ZC3H4: variants seen among roughly 807,000 people sequenced by gnomAD.
ZC3H4 encodes the protein zinc finger CCCH domain-containing protein 4.
A neutral mutation model predicts 108.3 loss-of-function variants in ZC3H4; 13 were observed. The ratio of observed to expected loss-of-function variants is 0.12; its 90% confidence interval spans 0.08 to 0.19. The LOEUF is 0.19. Among genes scored for constraint, ZC3H4 ranks in the 10% least tolerant of loss-of-function variants. ZC3H4 has a pLI of 1.00. For synonymous variants in ZC3H4, 917 were observed against 749.6 expected (o/e 1.22, Z -3.65); for missense variants, 1,734 against 1,838.8 (o/e 0.94, Z 1.04).
intron 11 of ZC3H4, among the ~76,000 whole-genome samples, chr19:47,078,478 C>T (rs936920760): frequency 2.0e-5 from 3 of 147,984 alleles, no homozygotes; most frequent in Admixed American, 1.3e-4. Flanking sequence ...AGCGAGACTC[C>T]GTTTCAAAAA....
At position 47,072,247 on chromosome 19, in the gene ZC3H4, GGA is replaced by G; in HGVS notation, c.1802+103_1802+104del. On this transcript the variant is annotated intron_variant, in intron 12 of 14. Coordinates refer to ENST00000253048, the MANE Select transcript of ZC3H4 (RefSeq NM_015168.2). This position sits in a 1 kb window ranked among gnomAD's most constrained non-coding sequence, Gnocchi z 5.6. ...CCCAGACCAGGACTCCCACAGCTGG[GGA>G]GAGAGGCAGGACTCTCCCACAGCCA... The G allele has an allele frequency of 7.1e-7, 1 of 1,413,212 alleles. No individual in the cohort carries two copies. The highest frequency in any genetic ancestry group is 9.6e-7 in the Non-Finnish European group (1 of 1,043,350). The allele number at this position is 1,413,212 out of a possible 1,614,324, so 87.5% of individuals were successfully genotyped here. A position where few individuals can be genotyped will look rare whatever the true frequency, so the allele number is the denominator to read the frequency against.
Position 47,072,783 on chromosome 19 carries a change from G to C in ZC3H4, c.1441-70C>G, listed in dbSNP as rs2057354394. ...TGGAAACGGACCTCTCCAGGTCTGA[G>C]AGCTGAAGTTTATGAGGAAAAGTCC... On this transcript the variant is annotated intron_variant, in intron 11 of 14. Coordinates refer to ENST00000253048, the MANE Select transcript of ZC3H4 (RefSeq NM_015168.2). This position sits in a 1 kb window ranked among gnomAD's most constrained non-coding sequence, Gnocchi z 5.6. The C allele has an allele frequency of 3.8e-6, 6 of 1,568,324 alleles. No individual in the cohort carries two copies. In the African/African-American group the frequency reaches 8.1e-5, roughly 21 times the overall value.
chr19:47,066,679 C>G lies in ZC3H4; in HGVS notation c.3589G>C (p.Glu1197Gln), dbSNP rs2057206448. The change falls in exon 15 of 15, where the codon GAA (glutamate) becomes CAA (glutamine). Residue 1197 changes from glutamate (E) to glutamine (Q), a missense_variant. Around this residue, in one of 9 missense-constraint regions of ZC3H4, gnomAD observed 518 missense variants for 499.6 expected, o/e 1.04. Coordinates refer to ENST00000253048, the MANE Select transcript of ZC3H4 (RefSeq NM_015168.2). ...CCGGCCTTCCCTGTCTCTGGCTGTTCCAGGGCAGACTTGCGGACGAACGGG... is the reference window on the plus strand; with the variant it reads ...CCGGCCTTCCCTGTCTCTGGCTGTTGCAGGGCAGACTTGCGGACGAACGGG... ...EPPFVRKSAL[E>Q]QPETGKAGAD... The G allele has an allele frequency of 1.2e-6, 2 of 1,611,300 alleles. No individual in the cohort carries two copies. The highest frequency in any genetic ancestry group is 1.3e-5 in the African/African-American group (1 of 74,932).
chr19:47,090,259 C>A, intron 4 of ZC3H4, 70 bp from the exon 5 acceptor site: 1 of 1,551,880 alleles, frequency 6.4e-7, no homozygotes, highest in Non-Finnish European at 8.8e-7. Context: ...ACCAAGATAC[C>A]CAGGGTTCCC....
At chr19:47,073,859 CATCT>C (rs1428954867) in intron 11 of ZC3H4, among the ~76,000 whole-genome samples, 2 of 152,242 alleles carry the variant, frequency 1.3e-5, no homozygotes, top group Non-Finnish European at 2.9e-5. Context: ...AACACTGCTA[CATCT>C]ATCAGTATGT....
intron 2 of ZC3H4, among the ~76,000 whole-genome samples, chr19:47,101,347 AG>A (rs1356805141): frequency 1.3e-5 from 2 of 151,078 alleles, no homozygotes; most frequent in African/African-American, 4.9e-5. Context: ...GCTTGAGCCC[AG>A]GAGTTAGAGA....
chr19:47,068,464 G>C (rs762073689), intron 14 of ZC3H4, among the ~76,000 whole-genome samples: 8 of 152,224 alleles, frequency 5.3e-5, no homozygotes, highest in Admixed American at 5.2e-4. Flanking sequence ...GCTGATAAGA[G>C]GCAGGGCCGG....
intron 2 of ZC3H4, among the ~76,000 whole-genome samples, chr19:47,105,197 G>A (rs1600110281): frequency 6.6e-6 from 1 of 152,292 alleles, no homozygotes; most frequent in Middle Eastern, 3.4e-3. Flanking sequence ...ATACCAGACA[G>A]TGCATACCAT....
intron 2 of ZC3H4, among the ~76,000 whole-genome samples, chr19:47,109,355 T>C (rs554079276): frequency 9.8e-5 from 15 of 152,350 alleles, no homozygotes; most frequent in Middle Eastern, 3.4e-3. Flanking sequence ...CTAAAAAATT[T>C]CACTTACAAA....
rs371710182 is a variant in ZC3H4 at position 47,095,036 on chromosome 19, G to A, written c.162-428C>T. On this transcript the variant is annotated intron_variant, in intron 2 of 14. Coordinates refer to ENST00000253048, the MANE Select transcript of ZC3H4 (RefSeq NM_015168.2). ...ACACAGCTCTGCTGTGAAGCACTTG[G>A]GGCACTTCTAAACCTTGCTTGACCA... 5.3e-5 allele frequency among the ~76,000 whole-genome samples: 8 copies of A among 152,286 alleles called. No homozygotes were observed. In the South Asian group the frequency reaches 1.7e-3, roughly 32 times the overall value.
chr19:47,082,620 G>A (rs570627896), intron 9 of ZC3H4, among the ~76,000 whole-genome samples: 1 of 152,248 alleles, frequency 6.6e-6, no homozygotes, highest in East Asian at 1.9e-4. Flanking sequence ...GGTACTTCCT[G>A]AATTTAAAGA....
intron 2 of ZC3H4, among the ~76,000 whole-genome samples, chr19:47,105,704 C>T (rs2123090395): frequency 1.3e-5 from 2 of 152,328 alleles, no homozygotes; most frequent in East Asian, 1.9e-4. Context: ...CTGGATGCAA[C>T]GGCTTTCACA....
chr19:47,069,093 T>C lies in ZC3H4; in HGVS notation c.2397A>G (p.Glu799=), dbSNP rs1389151533. The change falls in exon 14 of 15, where the codon GAA becomes GAG. Residue 799 remains glutamate, a splice_region_variant and synonymous_variant. Transcript: ENST00000253048. ...CCGGCCCCTGGGGCGGACACGTGCC[T>C]TCCTCATTCTCCCGGTCCTGCTTGC... ...ESSKQDRENE[E]GDTGNWYSSD... is the part of the protein sequence containing the mutation. The C allele has an allele frequency of 1.2e-6, 2 of 1,603,014 alleles. No homozygotes were observed. Among genetic ancestry groups the C allele is most frequent in the Non-Finnish European group, 8.5e-7 (1 of 1,179,868 alleles).
intron 2 of ZC3H4, among the ~76,000 whole-genome samples, chr19:47,106,309 T>C (rs959043400): frequency 6.6e-6 from 1 of 152,136 alleles, no homozygotes; most frequent in African/African-American, 2.4e-5. Context: ...CAGGCAGACA[T>C]GGTGGCTTAT....
chr19:47,091,894 A>G (rs939810180), intron 4 of ZC3H4, among the ~76,000 whole-genome samples: 1 of 152,108 alleles, frequency 6.6e-6, no homozygotes, highest in Admixed American at 6.5e-5. Context: ...CTCCATCTCT[A>G]AATAAATGAA....
chr19:47,085,445 C>A (rs745655723), intron 6 of ZC3H4, 31 bp from the exon 7 acceptor site: 2 of 1,528,858 alleles, frequency 1.3e-6, no homozygotes, highest in African/African-American at 1.4e-5. Context: ...GGCAGGAGAG[C>A]GTCAGGTAGG....
chr19:47,068,540 C>T (rs1035551632), intron 14 of ZC3H4, among the ~76,000 whole-genome samples: 3 of 152,208 alleles, frequency 2.0e-5, no homozygotes, highest in Non-Finnish European at 2.9e-5. Flanking sequence ...ATCAGGGGAG[C>T]GGCCCCTCCT....
intron 11 of ZC3H4, among the ~76,000 whole-genome samples, chr19:47,074,477 G>A (rs768945441): frequency 3.9e-5 from 6 of 152,206 alleles, no homozygotes; most frequent in African/African-American, 7.2e-5. Context: ...TTAGGATAGC[G>A]TGCAGAAAAG....
chr19:47,066,719 G>A lies in ZC3H4; in HGVS notation c.3549C>T (p.Ser1183=). Residue 1183 remains serine (S), a synonymous_variant, in exon 15 of 15, where the codon TCC becomes TCT. Transcript: ENST00000253048. ...GGACGAACGGGGGCTCCTTAGCCTT[G>A]GAGGCCGAGCTCTTGCCATTGCCCT... ...GAEGNGKSSA[S]KAKEPPFVRK... The A allele has an allele frequency of 6.2e-7, 1 of 1,607,768 alleles. No individual in the cohort carries two copies. Among genetic ancestry groups the A allele is most frequent in the Non-Finnish European group, 8.5e-7 (1 of 1,178,546 alleles).
Sources: gnomAD v4.1 joint callset for allele counts (sites outside exome capture counted in the v4.1 genomes callset) on GRCh38, gnomAD v4.1.1 for gene constraint, gnomAD v4.1.1 regional missense constraint, Gnocchi (gnomAD v3.1) non-coding constraint, MANE v1.5 for transcripts, NCBI Gene and HGNC (gene_info 2026-07-23, HGNC 2026-07-21) for gene names.